Variants in DDR1 observed in about 807,000 individuals in gnomAD.
The protein encoded by DDR1 is epithelial discoidin domain-containing receptor 1.
Under a neutral mutation model 97.4 loss-of-function variants are expected in DDR1, and 64 were observed. The ratio of observed to expected loss-of-function variants is 0.66; its 90% CI spans 0.54 to 0.81. The LOEUF is 0.81. Ranked by LOEUF, DDR1 falls within the 30% of genes least tolerant of loss-of-function variation. The pLI is 0.00. For missense variants in DDR1, 990 were observed against 1,259.6 expected, an observed-to-expected ratio of 0.79 and a Z score of 3.24; for synonymous variants, 458 against 503.7, an observed-to-expected ratio of 0.91 and a Z score of 1.21.
intron 1 of DDR1, chr6:30,885,551 G>C: frequency 7.2e-7 from 1 of 1,393,638 alleles, no homozygotes; most frequent in Non-Finnish European, 9.4e-7. Context: ...CTGTGCCCAA[G>C]GGCCCGGGTG....
chr6:30,896,932 C>G, intron 13 of DDR1, 67 bp downstream of exon 13: 2 of 1,569,324 alleles, frequency 1.3e-6, no homozygotes, highest in Non-Finnish European at 8.7e-7. Flanking sequence ...GCGCATCCCC[C>G]TAGCCAGGAA....
chr6:30,898,770 C>A, intron 16 of DDR1, 118 bp from the exon 17 acceptor site: 1 of 1,101,036 alleles, frequency 9.1e-7, no homozygotes, highest in Non-Finnish European at 1.3e-6. Flanking sequence ...AGCCTGGCGT[C>A]AGGAGGGATC....
At position 30,899,233 on chromosome 6, in the gene DDR1, G is replaced by A. The variant is rs2150485039; in HGVS notation, c.2679G>A (p.Glu893=). 1 of 1,614,196 alleles carries A rather than the reference G, an allele frequency of 6.2e-7. No individual in the cohort carries two copies. Among genetic ancestry groups the A allele is most frequent in the Non-Finnish European group, 8.5e-7 (1 of 1,180,032 alleles). ...TTCGGTGCTGGAGCCGGGAGTCTGA[G>A]CAGCGACCACCCTTTTCCCAGCTGC... The part of the protein sequence containing the change: ...LMLRCWSRES[E]QRPPFSQLHR... Residue 893 remains glutamate, a synonymous_variant, in exon 18 of 18, where the codon GAG becomes GAA. Transcript: ENST00000376568.
chr6:30,885,133 G>A (rs1372455051), intron 1 of DDR1: 5 of 1,464,564 alleles, frequency 3.4e-6, no homozygotes, highest in Non-Finnish European at 4.6e-6. Context: ...TCTGGTCACA[G>A]TCCAGCAAAA....
chr6:30,888,596 A>G lies in DDR1; in HGVS notation c.-42-92A>G. The G allele has an allele frequency of 2.9e-6, 4 of 1,382,500 alleles. No individual in the cohort carries two copies. The highest frequency in any genetic ancestry group is 3.9e-6 in the Non-Finnish European group (4 of 1,024,812). 85.6% of individuals were successfully genotyped at this position (1,382,500 alleles called of 1,614,324 possible). On this transcript the variant is annotated intron_variant, in intron 1 of 17. Coordinates refer to ENST00000376568, the MANE Select transcript of DDR1 (RefSeq NM_001297654.2). This position sits in a 1 kb window ranked among gnomAD's most constrained non-coding sequence, Gnocchi z 4.2. ...TGACTGTTGTTGTTGTTTTACTGTT[A>G]TTATCCCCAAAGCGGCCCATTCTGT...
chr6:30,893,569 G>A, intron 10 of DDR1, 146 bp downstream of exon 10: 2 of 1,426,376 alleles, frequency 1.4e-6, no homozygotes, highest in African/African-American at 1.4e-5. Context: ...GTCAAAGAGG[G>A]TATGGGGCTC....
At chr6:30,885,945 T>C (rs1785636241) in intron 1 of DDR1, 1 of 621,830 alleles carries the variant, frequency 1.6e-6, no homozygotes, top group Non-Finnish European at 2.6e-6. Flanking sequence ...TCTTTGGTTG[T>C]AATGGAGTGG....
Position 30,890,540 on chromosome 6 carries a change from G to T in DDR1, c.418-433G>T. 6.0e-6 allele frequency: 1 copy of T among 167,198 alleles called. No individual in the cohort carries two copies. The highest frequency in any genetic ancestry group is 1.3e-5 in the Non-Finnish European group (1 of 78,666). The allele number at this position is 167,198 out of a possible 1,614,324, so 10.4% of individuals were successfully genotyped here. ...GATCTCAGTCCTACAAGGGTGGGGAGTGACGTTCACCACTGAGAACGCGCC... is the reference window on the plus strand; with the variant it reads ...GATCTCAGTCCTACAAGGGTGGGGATTGACGTTCACCACTGAGAACGCGCC... On this transcript the variant is annotated intron_variant, in intron 4 of 17. Transcript: ENST00000376568. The surrounding 1 kb of genome is among the most constrained non-coding windows in gnomAD (Gnocchi z 5.0).
chr6:30,891,545 G>GTGTGTGTGTGTT lies in DDR1; in HGVS notation c.665+77_665+78insTTGTGTGTGTGT. On this transcript the variant is annotated intron_variant, in intron 6 of 17. Coordinates refer to ENST00000376568, the MANE Select transcript of DDR1 (RefSeq NM_001297654.2). This position sits in a 1 kb window ranked among gnomAD's most constrained non-coding sequence, Gnocchi z 5.3. Reference sequence around the variant, plus strand: ...GGGAGGACTGTGTGTGTGTGTGTGTGTGTGTGTGTGTGAGAGTGTGTGTGT... The same window carrying GTGTGTGTGTGTT: ...GGGAGGACTGTGTGTGTGTGTGTGTGTGTGTGTGTGTTTGTGTGTGTGTGAGAGTGTGTGTGT... 1 of 930,592 alleles carries GTGTGTGTGTGTT rather than the reference G, an allele frequency of 1.1e-6. No homozygotes were observed. The highest frequency in any genetic ancestry group is 1.7e-6 in the Non-Finnish European group (1 of 602,412). The allele number at this position is 930,592 out of a possible 1,614,324, so 57.6% of individuals were successfully genotyped here.
chr6:30,885,715 G>T (rs963948340), intron 1 of DDR1: 2 of 1,301,122 alleles, frequency 1.5e-6, no homozygotes, highest in African/African-American at 3.0e-5. Context: ...GAGCTTCTGT[G>T]TTTGCTCTGT....
rs1791103917 is a variant in DDR1, at chr6:30,897,071, A to C, written c.1927A>C (p.Asn643His). 1.2e-6 allele frequency: 2 copies of C among 1,613,432 alleles called. No homozygotes were observed. Among genetic ancestry groups the C allele is most frequent in the Non-Finnish European group, 1.7e-6 (2 of 1,179,890 alleles). ...QDLVSLDFPL[N>H]VRKGHPLLVA... ...TCTGGTTAGTCTTGATTTCCCCCTT[A>C]ATGTGCGTAAGGGACACCCTTTGCT... The change falls in exon 14 of 18, where the codon AAT (asparagine) becomes CAT (histidine). Residue 643 changes from asparagine (N) to histidine (H), a missense_variant. Asn to His is a moderately conservative substitution (Grantham distance 68). Coordinates refer to ENST00000376568, the MANE Select transcript of DDR1 (RefSeq NM_001297654.2). This position sits in a 1 kb window ranked among gnomAD's most constrained non-coding sequence, Gnocchi z 5.2.
At chr6:30,892,238 G>T in intron 7 of DDR1, 50 bp downstream of exon 7, 1 of 1,606,014 alleles carries the variant, frequency 6.2e-7, no homozygotes, top group Non-Finnish European at 8.5e-7. Flanking sequence ...GCAGGGTGCC[G>T]TTGGGGTGCC....
intron 1 of DDR1, chr6:30,885,558 G>A (rs1028048480): frequency 1.3e-5 from 18 of 1,402,842 alleles, no homozygotes; most frequent in African/African-American, 2.9e-5. Flanking sequence ...CAAGGGCCCG[G>A]GTGTGTGTGT....
In DDR1 at chr6:30,896,692, G is replaced by C. The variant is rs370113205; in HGVS notation, c.1696G>C (p.Val566Leu). The stretch of plus-strand genomic sequence containing the variant: ...TCTGCCCCCACCTCCCCAGAACAGC[G>C]TCCCCCATTATGCCGAGGCTGACAT... ...PLLPPPPQNS[V>L]PHYAEADIVT... The change falls in exon 13 of 18, where the codon GTC becomes CTC. Residue 566 changes from valine (V) to leucine (L), a missense_variant. Val to Leu is a conservative substitution (Grantham distance 32). Transcript: ENST00000376568. 6.2e-7 allele frequency: 1 copy of C among 1,611,148 alleles called. No individual in the cohort carries two copies. The highest frequency in any genetic ancestry group is 1.3e-5 in the African/African-American group (1 of 74,886).
chr6:30,882,759 G>C (rs932501323), upstream of DDR1: 1 of 152,878 alleles, frequency 6.5e-6, no homozygotes, highest in African/African-American at 2.4e-5. This position sits in a 1 kb window ranked among gnomAD's most constrained non-coding sequence, Gnocchi z 4.8. Flanking sequence ...CACTTAGCTG[G>C]GGTCAGCGTG....
At position 30,886,169 on chromosome 6, in the gene DDR1, C is replaced by G. The variant is rs1785754406; in HGVS notation, c.-43+1459C>G. ...TCTATTTACCTCTTGCATTGTGGCT[C>G]TCGCTCTGTCTCCGCCTGCCTCGTA... On this transcript the variant is annotated intron_variant, in intron 1 of 17. Transcript: ENST00000376568. This position sits in a 1 kb window ranked among gnomAD's most constrained non-coding sequence, Gnocchi z 4.6. 6.6e-6 allele frequency among the ~76,000 whole-genome samples: 1 copy of G among 152,104 alleles called. No homozygotes were observed. The highest frequency in any genetic ancestry group is 1.5e-5 in the Non-Finnish European group (1 of 67,988).
Position 30,900,128 on chromosome 6 carries a change from G to T in DDR1, c.*832G>T, listed in dbSNP as rs753643946. 4 of 582,300 alleles carry T rather than the reference G, an allele frequency of 6.9e-6. No individual in the cohort carries two copies. Among genetic ancestry groups the T allele is most frequent in the Non-Finnish European group, 6.6e-6 (2 of 300,772 alleles). The allele number at this position is 582,300 out of a possible 1,614,324, so 36.1% of individuals were successfully genotyped here. ...CAATTTTAATCCCCTGCACTAGGCA[G>T]GTAATAATAAAGGTTGAGTTTTCCA... On this transcript the variant is annotated 3_prime_UTR_variant, in exon 18 of 18. Coordinates refer to ENST00000376568, the MANE Select transcript of DDR1 (RefSeq NM_001297654.2).
rs571914729 is a variant in DDR1, at chr6:30,894,874, C to T, written c.1513+203C>T. ...TCCCCATGTATTACCCATAGTCCCC[C>T]GTGGTGCTATCTTGTCTGTGTCCCA... On this transcript the variant is annotated intron_variant, in intron 11 of 17. Coordinates refer to ENST00000376568, the MANE Select transcript of DDR1 (RefSeq NM_001297654.2). The surrounding 1 kb of genome is among the most constrained non-coding windows in gnomAD (Gnocchi z 5.7). 2.1e-3 allele frequency among the ~76,000 whole-genome samples: 327 copies of T among 152,248 alleles called. 4 individuals are homozygous for T. Among genetic ancestry groups the T allele is most frequent in the Middle Eastern group, 0.01 (3 of 294 alleles).
intron 1 of DDR1, chr6:30,885,264 T>C (rs920751969): frequency 1.2e-5 from 19 of 1,531,520 alleles, no homozygotes; most frequent in Non-Finnish European, 1.7e-5. Flanking sequence ...CACCCCCCCA[T>C]GCCTGGCTCT....
Sources: allele counts gnomAD v4.1 joint callset (sites outside exome capture counted in the v4.1 genomes callset), GRCh38; gene constraint gnomAD v4.1.1; non-coding constraint Gnocchi (gnomAD v3.1); transcripts MANE v1.5; gene names NCBI Gene and HGNC (gene_info 2026-07-23, HGNC 2026-07-21).